The following LRRC7 variants were observed in gnomAD, a reference collection of about 807,000 sequenced individuals.
The protein encoded by LRRC7 is leucine-rich repeat-containing protein 7.
Under a neutral mutation model 175.7 loss-of-function variants are expected in LRRC7, and 23 were observed. The ratio of observed to expected loss-of-function variants is 0.13; its 90% confidence interval spans 0.09 to 0.19. LRRC7 has a LOEUF of 0.19. Among genes scored for constraint, LRRC7 ranks in the 10% least tolerant of loss-of-function variants. LRRC7 has a pLI of 1.00. For synonymous variants in LRRC7, 685 were observed against 680.9 expected (o/e 1.01, Z -0.09); for missense variants, 1,354 against 1,904.7 (o/e 0.71, Z 5.38).
intron 11 of LRRC7, among the ~76,000 whole-genome samples, chr1:69,997,152 T>C (rs1204166256): frequency 6.6e-6 from 1 of 152,168 alleles, no homozygotes. Flanking sequence ...TTTTATTCTC[T>C]TTGAAGCAAT....
chr1:69,625,928 A>G (rs900327108), intron 1 of LRRC7, among the ~76,000 whole-genome samples: 5 of 152,214 alleles, frequency 3.3e-5, no homozygotes, highest in African/African-American at 1.2e-4. Context: ...CTGGTGTTCT[A>G]TAGATGTAAA....
chr1:69,971,828 A>C (rs1652265702), intron 8 of LRRC7, among the ~76,000 whole-genome samples: 1 of 152,216 alleles, frequency 6.6e-6, no homozygotes, highest in South Asian at 2.1e-4. Flanking sequence ...AGACTAAGCA[A>C]AAAGAATAAA....
intron 2 of LRRC7, 26 bp downstream of exon 2, chr1:69,678,504 G>C (rs900689271): frequency 1.3e-6 from 2 of 1,536,922 alleles, no homozygotes; most frequent in Admixed American, 3.6e-5. Context: ...AGGATTACCT[G>C]TGTTCTAGAT....
chr1:69,896,566 G>T (rs903990359), intron 7 of LRRC7, among the ~76,000 whole-genome samples: 20 of 152,070 alleles, frequency 1.3e-4, no homozygotes, highest in Admixed American at 3.9e-4. Flanking sequence ...AATGGTTGTG[G>T]CTAGATCTAG....
chr1:70,125,139 G>A lies in LRRC7; in HGVS notation c.*3252G>A, dbSNP rs937239379. 6.6e-6 allele frequency among the ~76,000 whole-genome samples: 1 copy of A among 152,172 alleles called. No individual in the cohort carries two copies. Among genetic ancestry groups the A allele is most frequent in the Non-Finnish European group, 1.5e-5 (1 of 68,034 alleles). Reference sequence around the variant, plus strand: ...GCATTTTTGACAAGGAATATTCAAAGTCAGTATGAAATAAAACATTATGCT... The same window carrying A: ...GCATTTTTGACAAGGAATATTCAAAATCAGTATGAAATAAAACATTATGCT... On this transcript the variant is annotated 3_prime_UTR_variant, in exon 27 of 27. Coordinates refer to ENST00000651989, the MANE Select transcript of LRRC7 (RefSeq NM_001370785.2).
chr1:69,963,473 A>G (rs888885438), intron 8 of LRRC7, among the ~76,000 whole-genome samples: 2 of 152,136 alleles, frequency 1.3e-5, no homozygotes, highest in African/African-American at 4.8e-5. Flanking sequence ...GTCAAATAAG[A>G]GACTTTTTGT....
chr1:69,920,072 G>A (rs1216073894), intron 7 of LRRC7: 2 of 297,106 alleles, frequency 6.7e-6, no homozygotes, highest in Non-Finnish European at 1.3e-5. Flanking sequence ...GTTGACTTCA[G>A]CATGGGAGGG....
chr1:69,643,027 T>C lies in LRRC7; in HGVS notation c.3-35354T>C, dbSNP rs145989696. 3.8e-3 allele frequency among the ~76,000 whole-genome samples: 573 copies of C among 152,150 alleles called. 3 individuals carry two copies. Among genetic ancestry groups the C allele is most frequent in the Non-Finnish European group, 4.1e-3 (279 of 68,000 alleles). On this transcript the variant is annotated intron_variant, in intron 1 of 26. Transcript: ENST00000651989. ...GATGGTATAACTCTCAGTCCAAGGC[T>C]GAAGGCATGGGAATAATGGGGGCAG...
intron 1 of LRRC7, among the ~76,000 whole-genome samples, chr1:69,588,068 C>T (rs1646475398): frequency 6.6e-6 from 1 of 152,150 alleles, no homozygotes; most frequent in African/African-American, 2.4e-5. Flanking sequence ...TCCTTCTATT[C>T]ATTCCTTAGG....
chr1:69,879,805 T>C (rs909393178), intron 7 of LRRC7: 3 of 152,194 alleles, frequency 2.0e-5, no homozygotes, highest in African/African-American at 7.2e-5. Context: ...CAGGTCAAAA[T>C]TTCCATACTG....
chr1:69,876,676 C>T (rs1181178385), intron 7 of LRRC7, among the ~76,000 whole-genome samples: 3 of 152,108 alleles, frequency 2.0e-5, no homozygotes, highest in African/African-American at 4.8e-5. Flanking sequence ...ATCTGAAATC[C>T]AAGCTCTTCA....
intron 9 of LRRC7, among the ~76,000 whole-genome samples, chr1:69,985,730 A>G (rs1340233283): frequency 6.6e-6 from 1 of 152,198 alleles, no homozygotes; most frequent in East Asian, 1.9e-4. Context: ...GGAATCATAC[A>G]ATGTGTGGTC....
At chr1:69,794,566 T>C (rs1445120512) in intron 4 of LRRC7, among the ~76,000 whole-genome samples, 1 of 152,218 alleles carries the variant, frequency 6.6e-6, no homozygotes, top group Non-Finnish European at 1.5e-5. Flanking sequence ...TTATATACAT[T>C]CACACTTCAA....
intron 7 of LRRC7, among the ~76,000 whole-genome samples, chr1:69,909,567 A>G (rs1036953237): frequency 6.6e-6 from 1 of 152,056 alleles, no homozygotes; most frequent in Non-Finnish European, 1.5e-5. Flanking sequence ...TGGGTTGAAA[A>G]TTCTTTTCTT....
chr1:70,093,322 A>G (rs1249350008), intron 25 of LRRC7, among the ~76,000 whole-genome samples: 1 of 152,116 alleles, frequency 6.6e-6, no homozygotes, highest in Non-Finnish European at 1.5e-5. Flanking sequence ...ATAAATATGA[A>G]TTTATGAATT....
chr1:69,850,731 T>C (rs747828622), intron 7 of LRRC7, among the ~76,000 whole-genome samples: 8 of 152,084 alleles, frequency 5.3e-5, no homozygotes, highest in Non-Finnish European at 1.2e-4. Flanking sequence ...ATTTCCTATA[T>C]AGAGAAACTT....
At chr1:69,917,370 C>T (rs911939198) in intron 7 of LRRC7, among the ~76,000 whole-genome samples, 5 of 152,150 alleles carry the variant, frequency 3.3e-5, no homozygotes, top group Non-Finnish European at 7.3e-5. Flanking sequence ...GCCCCAGAGC[C>T]ACCAGTGCTT....
chr1:69,907,118 G>C (rs1218086133), intron 7 of LRRC7, among the ~76,000 whole-genome samples: 1 of 152,138 alleles, frequency 6.6e-6, no homozygotes, highest in Non-Finnish European at 1.5e-5. Context: ...TTTATATCCT[G>C]AGACTTTGCT....
chr1:69,648,037 T>C (rs766166348), intron 1 of LRRC7, among the ~76,000 whole-genome samples: 2 of 152,166 alleles, frequency 1.3e-5, no homozygotes, highest in African/African-American at 2.4e-5. Flanking sequence ...TCAGATTTAT[T>C]TCTAGGAATT....
Sources: gnomAD v4.1 joint callset for allele counts (sites outside exome capture counted in the v4.1 genomes callset) on GRCh38, gnomAD v4.1.1 for gene constraint, MANE v1.5 for transcripts, NCBI Gene and HGNC (gene_info 2026-07-23, HGNC 2026-07-21) for gene names.